ZKSCAN7: variants seen among roughly 807,000 people sequenced by gnomAD.
ZKSCAN7 encodes zinc finger with KRAB and SCAN domains 7, also known as zinc finger protein with KRAB and SCAN domains 7.
ZKSCAN7 carries 38 observed loss-of-function variants against 65.3 expected under a neutral mutation model. The observed-to-expected ratio is 0.58, with a 90% CI of 0.45 to 0.76. The LOEUF (loss-of-function observed/expected upper bound fraction) is 0.76, where lower values mean the gene tolerates loss of function less well. ZKSCAN7 is among the 30% of genes least tolerant of loss of function. ZKSCAN7 has a pLI of 0.00. For missense variants in ZKSCAN7, 815 were observed against 913.3 expected, an observed-to-expected ratio of 0.89 and a Z score of 1.39; for synonymous variants, 321 against 321.0, an observed-to-expected ratio of 1.00 and a Z score of 0.00.
chr3:44,564,426 A>G (rs1439840149), intron 2 of ZKSCAN7, among the ~76,000 whole-genome samples: 1 of 152,252 alleles, frequency 6.6e-6, no homozygotes, highest in Non-Finnish European at 1.5e-5. Context: ...GTAGGGCTAT[A>G]TGTTGTTTTG....
At chr3:44,556,082 A>G (rs1200414773) in intron 1 of ZKSCAN7, among the ~76,000 whole-genome samples, 1 of 152,230 alleles carries the variant, frequency 6.6e-6, no homozygotes, top group East Asian at 1.9e-4. Context: ...CACTGAGACA[A>G]TAACCACCTC....
At chr3:44,572,190 A>C, downstream of ZKSCAN7, 3 of 985,480 alleles carry the variant, frequency 3.0e-6, no homozygotes, top group Non-Finnish European at 3.6e-6. Flanking sequence ...TAAAGTATGC[A>C]CGATCTTTCT....
chr3:44,564,013 G>T (rs1005801871), intron 2 of ZKSCAN7, among the ~76,000 whole-genome samples: 1 of 152,216 alleles, frequency 6.6e-6, no homozygotes, highest in African/African-American at 2.4e-5. Flanking sequence ...TAACATCTCA[G>T]CAGATGCAGC....
At chr3:44,568,878 T>G (rs1699713058) in intron 5 of ZKSCAN7, among the ~76,000 whole-genome samples, 1 of 152,230 alleles carries the variant, frequency 6.6e-6, no homozygotes, top group African/African-American at 2.4e-5. Context: ...GTTTTCTCTC[T>G]GCTTGTCCTC....
chr3:44,556,706 G>C (rs1264570999), intron 1 of ZKSCAN7, among the ~76,000 whole-genome samples: 2 of 152,198 alleles, frequency 1.3e-5, no homozygotes, highest in African/African-American at 2.4e-5. Context: ...GGTAAGGCCA[G>C]GTTGTGAAGG....
intron 2 of ZKSCAN7, among the ~76,000 whole-genome samples, chr3:44,563,578 C>T (rs1381134166): frequency 1.3e-5 from 2 of 152,078 alleles, no homozygotes; most frequent in Non-Finnish European, 2.9e-5. Context: ...AGGAAAGTGC[C>T]ACACACTTTT....
chr3:44,581,141 C>G (rs1044723781), intron 5 of ZKSCAN7: 2 of 956,842 alleles, frequency 2.1e-6, no homozygotes, highest in South Asian at 9.5e-5. Context: ...AGGCCCTGAC[C>G]GGCCTCCTTC....
At chr3:44,568,199 C>G in intron 4 of ZKSCAN7, 108 bp from the exon 5 acceptor site, 1 of 1,550,362 alleles carries the variant, frequency 6.5e-7, no homozygotes, top group East Asian at 2.3e-5. Flanking sequence ...GCTCCTCTCT[C>G]CCATACTTTT....
chr3:44,571,535 C>T lies in ZKSCAN7; in HGVS notation c.*160C>T. 2 of 1,526,076 alleles carry T rather than the reference C, an allele frequency of 1.3e-6. No homozygotes were observed. The highest frequency in any genetic ancestry group is 1.2e-5 in the South Asian group (1 of 81,398). The allele number at this position is 1,526,076 out of a possible 1,614,324, so 94.5% of individuals were successfully genotyped here. A position where few individuals can be genotyped will look rare whatever the true frequency, so the allele number is the denominator to read the frequency against. On this transcript the variant is annotated 3_prime_UTR_variant, in exon 6 of 6. Coordinates refer to ENST00000426540, the MANE Select transcript of ZKSCAN7 (RefSeq NM_001288590.2). ...GTGGGAGAGTAGGAGTAACTTATTC[C>T]AGTTCTTACCCATTATTAGGAAGGT...
chr3:44,580,705 C>A (rs1700053943), intron 5 of ZKSCAN7: 40 of 1,613,992 alleles, frequency 2.5e-5, no homozygotes, highest in Non-Finnish European at 3.4e-5. Flanking sequence ...CCCTCCCCAT[C>A]CACCACATCT....
At chr3:44,560,445 A>G (rs1010629308) in intron 2 of ZKSCAN7, among the ~76,000 whole-genome samples, 99 of 149,934 alleles carry the variant, frequency 6.6e-4, no homozygotes, top group African/African-American at 2.4e-3. Context: ...AAAGGTTTGT[A>G]TAGTGATCCC....
chr3:44,579,895 G>A (rs1700023796), intron 5 of ZKSCAN7: 1 of 1,609,312 alleles, frequency 6.2e-7, no homozygotes, highest in South Asian at 1.1e-5. Context: ...GCGTCACGGA[G>A]GGCTCTGTGG....
At position 44,570,113 on chromosome 3, in the gene ZKSCAN7, GA is replaced by G; in HGVS notation, c.1007del (p.Asn336MetfsTer6). The stretch of plus-strand genomic sequence containing the variant: ...CTCAGATGAAGAAGGGAGCAGACTA[GA>G]AAATGATTTCTTGGAAATAACAGAT... Reference protein sequence around the residue: ...QTSDEEGSRLENDFLEITDED... With the variant: ...QTSDEEGSRLXNDFLEITDED... On this transcript the variant is annotated frameshift_variant, in exon 6 of 6. Coordinates refer to ENST00000426540, the MANE Select transcript of ZKSCAN7 (RefSeq NM_001288590.2). LOFTEE classifies it high-confidence loss of function. 6 of 1,613,890 alleles carry G rather than the reference GA, an allele frequency of 3.7e-6. No homozygotes were observed. The highest frequency in any genetic ancestry group is 4.2e-6 in the Non-Finnish European group (5 of 1,179,970).
chr3:44,560,816 G>A (rs1699455869), intron 2 of ZKSCAN7, among the ~76,000 whole-genome samples: 1 of 152,148 alleles, frequency 6.6e-6, no homozygotes, highest in African/African-American at 2.4e-5. Flanking sequence ...CCTGTTTCCT[G>A]TATCTTTTTT....
intron 5 of ZKSCAN7, chr3:44,578,294 T>G: frequency 6.3e-7 from 1 of 1,584,100 alleles, no homozygotes; most frequent in East Asian, 2.2e-5. Flanking sequence ...TTTCAGGTAC[T>G]GTATTTCCGA....
chr3:44,568,605 A>C (rs555590152), intron 5 of ZKSCAN7, 172 bp downstream of exon 5: 4 of 949,412 alleles, frequency 4.2e-6, no homozygotes, highest in Admixed American at 3.1e-5. Flanking sequence ...AGTGATCAGC[A>C]TACTCTTCAC....
At chr3:44,559,227 A>T (rs1699392448) in intron 2 of ZKSCAN7, among the ~76,000 whole-genome samples, 1 of 152,114 alleles carries the variant, frequency 6.6e-6, no homozygotes, top group Non-Finnish European at 1.5e-5. Context: ...AGTTTACAGC[A>T]ACACCTGGAT....
intron 5 of ZKSCAN7, chr3:44,579,874 C>G: frequency 6.2e-7 from 1 of 1,610,016 alleles, no homozygotes; most frequent in Admixed American, 1.7e-5. Flanking sequence ...TCTTGAAATT[C>G]AGCAGGTCGG....
intron 5 of ZKSCAN7, chr3:44,580,838 C>T (rs1700058485): frequency 6.2e-7 from 1 of 1,613,530 alleles, no homozygotes; most frequent in Non-Finnish European, 8.5e-7. Flanking sequence ...GAGACCGGTG[C>T]ACTGAGTTGT....
Sources: gnomAD v4.1 joint callset for allele counts (sites outside exome capture counted in the v4.1 genomes callset) on GRCh38, gnomAD v4.1.1 for gene constraint, MANE v1.5 for transcripts, NCBI Gene and HGNC (gene_info 2026-07-23, HGNC 2026-07-21) for gene names.